Variants in PRKG1 observed in about 807,000 individuals in gnomAD.
PRKG1 encodes cGMP-dependent protein kinase 1.
Under a neutral mutation model 88.1 loss-of-function variants are expected in PRKG1, and 35 were observed. That is an observed-to-expected ratio of 0.40 (90% CI 0.30 to 0.53). The LOEUF is 0.53. PRKG1 is among the 20% of genes least tolerant of loss of function. The pLI, the probability that PRKG1 is intolerant of heterozygous loss-of-function variation, is 0.59. For synonymous variants in PRKG1, 303 were observed against 292.5 expected (o/e 1.04, Z -0.37); for missense variants, 540 against 839.8 (o/e 0.64, Z 4.41).
chr10:51,966,199 A>G (rs1437647956), intron 5 of PRKG1, among the ~76,000 whole-genome samples: 1 of 152,204 alleles, frequency 6.6e-6, no homozygotes, highest in Non-Finnish European at 1.5e-5. Context: ...CTGATTAGCA[A>G]ATACATATTC....
intron 3 of PRKG1, among the ~76,000 whole-genome samples, chr10:51,666,651 A>G (rs913561011): frequency 1.3e-5 from 2 of 152,210 alleles, no homozygotes; most frequent in African/African-American, 4.8e-5. Flanking sequence ...ACTTCATATC[A>G]TAAATCCACC....
intron 2 of PRKG1, among the ~76,000 whole-genome samples, chr10:51,350,031 A>T (rs1011360345): frequency 6.6e-6 from 1 of 152,224 alleles, no homozygotes; most frequent in African/African-American, 2.4e-5. Context: ...GATAAAACTT[A>T]GGGTCATATA....
chr10:51,819,867 AG>A (rs1350117133), intron 4 of PRKG1, among the ~76,000 whole-genome samples: 3 of 152,298 alleles, frequency 2.0e-5, no homozygotes, highest in Middle Eastern at 6.8e-3. Flanking sequence ...TGATATACCC[AG>A]AAAAAGTCAT....
intron 5 of PRKG1, among the ~76,000 whole-genome samples, chr10:51,946,364 A>C (rs1036798639): frequency 1.3e-5 from 2 of 151,894 alleles, no homozygotes; most frequent in Non-Finnish European, 2.9e-5. Flanking sequence ...CATTCGTCTA[A>C]ATTTTTTCCA....
chr10:51,465,102 A>G (rs1839865246), intron 2 of PRKG1, among the ~76,000 whole-genome samples: 1 of 152,208 alleles, frequency 6.6e-6, no homozygotes, highest in Non-Finnish European at 1.5e-5. Flanking sequence ...AAGTGGCAGT[A>G]CAACTGAGTA....
intron 5 of PRKG1, among the ~76,000 whole-genome samples, chr10:52,028,258 A>G (rs530655992): frequency 6.6e-6 from 1 of 152,134 alleles, no homozygotes; most frequent in Non-Finnish European, 1.5e-5. Flanking sequence ...TTAGTTTTCT[A>G]CTTTTCAGAT....
At chr10:51,941,972 G>T (rs377075232) in intron 5 of PRKG1, among the ~76,000 whole-genome samples, 7 of 151,964 alleles carry the variant, frequency 4.6e-5, no homozygotes, top group East Asian at 1.9e-4. Flanking sequence ...TACCCAGTAA[G>T]GGGATGGCTG....
At chr10:51,565,308 G>A (rs1044157015) in intron 3 of PRKG1, among the ~76,000 whole-genome samples, 2 of 152,054 alleles carry the variant, frequency 1.3e-5, no homozygotes, top group African/African-American at 2.4e-5. Context: ...TCCTCACATT[G>A]CTGAGGGAGC....
chr10:51,732,965 A>C (rs1837158803), intron 3 of PRKG1, among the ~76,000 whole-genome samples: 1 of 152,046 alleles, frequency 6.6e-6, no homozygotes, highest in Admixed American at 6.5e-5. Context: ...AGTTCTGGTG[A>C]GGATCTCTTT....
intron 2 of PRKG1, among the ~76,000 whole-genome samples, chr10:51,298,364 T>A (rs151140561): frequency 0.015 from 2,224 of 152,294 alleles, 20 homozygotes; most frequent in Non-Finnish European, 0.021. Context: ...AGGTTCTGAG[T>A]TGGACCTGAT....
intron 3 of PRKG1, among the ~76,000 whole-genome samples, chr10:51,745,460 T>A (rs1837552270): frequency 6.6e-6 from 1 of 152,166 alleles, no homozygotes; most frequent in Non-Finnish European, 1.5e-5. Flanking sequence ...TACAAAAGAC[T>A]GAAATGACAT....
chr10:51,465,304 T>C (rs1426420668), intron 2 of PRKG1, among the ~76,000 whole-genome samples: 2 of 152,194 alleles, frequency 1.3e-5, no homozygotes, highest in Non-Finnish European at 2.9e-5. Flanking sequence ...TAGTAGTGGT[T>C]TTACTCGCAT....
intron 9 of PRKG1, among the ~76,000 whole-genome samples, chr10:52,241,149 A>G (rs1840849307): frequency 6.6e-6 from 1 of 152,158 alleles, no homozygotes; most frequent in Admixed American, 6.5e-5. Flanking sequence ...GCATTAAATC[A>G]GGGTCTCCTG....
At chr10:51,531,940 G>A (rs940032004) in intron 3 of PRKG1, among the ~76,000 whole-genome samples, 1 of 152,028 alleles carries the variant, frequency 6.6e-6, no homozygotes, top group Non-Finnish European at 1.5e-5. Flanking sequence ...ACCGTGCCCT[G>A]CCAAAGAATT....
At chr10:51,928,606 T>G (rs1842626122) in intron 5 of PRKG1, among the ~76,000 whole-genome samples, 1 of 152,224 alleles carries the variant, frequency 6.6e-6, no homozygotes, top group East Asian at 1.9e-4. Flanking sequence ...TTCTTTCATC[T>G]GCTTCTTAAC....
At chr10:51,465,564 G>A (rs534792396) in intron 2 of PRKG1, among the ~76,000 whole-genome samples, 1 of 152,038 alleles carries the variant, frequency 6.6e-6, no homozygotes, top group Non-Finnish European at 1.5e-5. Flanking sequence ...ATCAAATGTT[G>A]GCCAGACATA....
At chr10:51,145,887 G>T (rs753115930) in intron 1 of PRKG1, among the ~76,000 whole-genome samples, 1 of 152,106 alleles carries the variant, frequency 6.6e-6, no homozygotes, top group Non-Finnish European at 1.5e-5. Context: ...TGTTTTCCCT[G>T]GCTATACTAA....
intron 5 of PRKG1, among the ~76,000 whole-genome samples, chr10:51,983,729 C>G (rs1844076984): frequency 6.6e-6 from 1 of 152,240 alleles, no homozygotes. Flanking sequence ...CTAAGCAGCT[C>G]TCCCTGCCAG....
rs148003103 is a variant in PRKG1 at position 52,109,425 on chromosome 10, T to C, written c.936-24415T>C. 3.3e-3 allele frequency among the ~76,000 whole-genome samples: 502 copies of C among 152,372 alleles called. 2 individuals carry two copies. The highest frequency in any genetic ancestry group is 0.012 in the African/African-American group (489 of 41,596). On this transcript the variant is annotated intron_variant, in intron 7 of 17. Transcript: ENST00000373980. ...AGGAAAATACAGGGTTTGACTTCTC[T>C]TAACTGGTCAAAGAAAAAAATTAAT...
Sources: gnomAD v4.1 joint callset for allele counts (sites outside exome capture counted in the v4.1 genomes callset) on GRCh38, gnomAD v4.1.1 for gene constraint, MANE v1.5 for transcripts, NCBI Gene and HGNC (gene_info 2026-07-23, HGNC 2026-07-21) for gene names.